Variants in SYTL2 observed in about 807,000 individuals in gnomAD.
The protein encoded by SYTL2 is synaptotagmin like 2.
In SYTL2, 165 loss-of-function variants were observed where a neutral mutation model predicts 198.7. The ratio of observed to expected loss-of-function variants is 0.83; its 90% CI spans 0.73 to 0.94. The LOEUF is 0.94. Among genes scored for constraint, SYTL2 ranks in the 40% least tolerant of loss-of-function variants. SYTL2 has a pLI of 0.00. For missense variants in SYTL2, 2,835 were observed against 2,582.8 expected (o/e 1.10, Z -2.12); for synonymous variants, 966 against 917.7 (o/e 1.05, Z -0.95).
rs201491481 is a variant in SYTL2 at position 85,696,761 on chromosome 11, A to G, written c.6369-373T>C. Among the ~76,000 whole-genome samples, 5 of 152,344 alleles carry G rather than the reference A, an allele frequency of 3.3e-5. No individual in the cohort carries two copies. In the East Asian group the frequency reaches 9.6e-4, roughly 29 times the overall value. Reference sequence around the variant, plus strand: ...GCAAAACACTTAGCTCCATGCCTGCATTTAGTAAGTGCTTAATATGCTAGT... The same window carrying G: ...GCAAAACACTTAGCTCCATGCCTGCGTTTAGTAAGTGCTTAATATGCTAGT... On this transcript the variant is annotated intron_variant, in intron 18 of 19. Coordinates refer to ENST00000359152, the MANE Select transcript of SYTL2 (RefSeq NM_206927.4).
upstream of SYTL2, among the ~76,000 whole-genome samples, chr11:85,815,899 C>T (rs541995163): frequency 6.6e-6 from 1 of 152,326 alleles, no homozygotes; most frequent in South Asian, 2.1e-4. Context: ...CACGGTGACT[C>T]ATTCCTGTAA....
intron 1 of SYTL2, among the ~76,000 whole-genome samples, chr11:85,760,315 C>T (rs2092061709): frequency 6.6e-6 from 1 of 152,182 alleles, no homozygotes; most frequent in Non-Finnish European, 1.5e-5. Context: ...TTATACGATA[C>T]TCCCGCAGCA....
At chr11:85,750,242 G>A (rs1167028823) in intron 2 of SYTL2, among the ~76,000 whole-genome samples, 2 of 152,128 alleles carry the variant, frequency 1.3e-5, no homozygotes, top group African/African-American at 4.8e-5. Flanking sequence ...TTAAGGATCA[G>A]GGAAAATAAG....
intron 8 of SYTL2, among the ~76,000 whole-genome samples, chr11:85,723,516 A>G (rs901981141): frequency 5.9e-5 from 9 of 152,238 alleles, no homozygotes; most frequent in African/African-American, 1.9e-4. Context: ...ATTTGTGTCC[A>G]TCTGTGGCAC....
chr11:85,840,974 G>A, the SYTL2 span, among the ~76,000 whole-genome samples: 1 of 151,822 alleles, frequency 6.6e-6, no homozygotes, highest in Admixed American at 6.6e-5. Flanking sequence ...CATCTATAAG[G>A]AACTAACAAA....
chr11:85,722,420 C>T (rs1023685446), intron 8 of SYTL2, among the ~76,000 whole-genome samples: 9 of 152,020 alleles, frequency 5.9e-5, no homozygotes, highest in Non-Finnish European at 1.0e-4. Context: ...ATGATCTGCC[C>T]GCCTTGGCCT....
At chr11:85,835,797 G>A in the SYTL2 span, among the ~76,000 whole-genome samples, 1 of 152,148 alleles carries the variant, frequency 6.6e-6, no homozygotes, top group Non-Finnish European at 1.5e-5. Context: ...TTGAGAAAAA[G>A]CCTCCAATCT....
intron 1 of SYTL2, among the ~76,000 whole-genome samples, chr11:85,777,849 T>G (rs1001852963): frequency 2.5e-5 from 3 of 120,436 alleles, no homozygotes; most frequent in Non-Finnish European, 5.2e-5. Flanking sequence ...AGACCGAGTT[T>G]TGCTCTTGTT....
chr11:85,782,159 C>T (rs1427455472), intron 1 of SYTL2, among the ~76,000 whole-genome samples: 2 of 152,222 alleles, frequency 1.3e-5, no homozygotes, highest in African/African-American at 4.8e-5. Flanking sequence ...GGTGGACGTT[C>T]CCAAACGTCA....
chr11:85,745,778 A>G lies in SYTL2; in HGVS notation c.254-6T>C. The G allele has an allele frequency of 6.2e-7, 1 of 1,607,576 alleles. No individual in the cohort carries two copies. The highest frequency in any genetic ancestry group is 1.3e-5 in the African/African-American group (1 of 74,966). On this transcript the variant is annotated splice_polypyrimidine_tract_variant and splice_region_variant and intron_variant, in intron 3 of 19. Coordinates refer to ENST00000359152, the MANE Select transcript of SYTL2 (RefSeq NM_206927.4). ...TCTGTCTTTACTCTGCTCAGCTGAAACAGGAAACAGTAAAGACAGGAAGGT... is the reference window on the plus strand; with the variant it reads ...TCTGTCTTTACTCTGCTCAGCTGAAGCAGGAAACAGTAAAGACAGGAAGGT...
At chr11:85,831,236 T>C in the SYTL2 span, among the ~76,000 whole-genome samples, 3 of 152,192 alleles carry the variant, frequency 2.0e-5, no homozygotes, top group African/African-American at 7.2e-5. Flanking sequence ...CTATGAAGGA[T>C]ACTAGCTTTA....
rs2090367265 is a variant in SYTL2, at chr11:85,736,687, T to C, written c.472-72A>G. Reference sequence around the variant, plus strand: ...GCAACTCAGTGTTGGCAAATGCCTATTATCTTCAATTTTGATAGTTTTATC... The same window carrying C: ...GCAACTCAGTGTTGGCAAATGCCTACTATCTTCAATTTTGATAGTTTTATC... On this transcript the variant is annotated intron_variant, in intron 5 of 19. Coordinates refer to ENST00000359152, the MANE Select transcript of SYTL2 (RefSeq NM_206927.4). 3 of 777,052 alleles carry C rather than the reference T, an allele frequency of 3.9e-6. No individual in the cohort carries two copies. The Admixed American group carries it at 7.2e-5, about 19-fold the overall frequency. The allele number at this position is 777,052 out of a possible 1,614,324, so 48.1% of individuals were successfully genotyped here.
At chr11:85,776,316 A>G (rs971593768) in intron 1 of SYTL2, among the ~76,000 whole-genome samples, 3 of 152,198 alleles carry the variant, frequency 2.0e-5, no homozygotes, top group Non-Finnish European at 4.4e-5. Flanking sequence ...GTTTTGTTAC[A>G]TAGGTATACA....
intron 1 of SYTL2, among the ~76,000 whole-genome samples, chr11:85,800,121 C>T (rs2092863738): frequency 6.6e-6 from 1 of 152,168 alleles, no homozygotes; most frequent in South Asian, 2.1e-4. Context: ...CATTCCCACA[C>T]ACAGTTCATC....
At chr11:85,751,013 G>A (rs1321273052) in intron 2 of SYTL2, among the ~76,000 whole-genome samples, 2 of 151,900 alleles carry the variant, frequency 1.3e-5, no homozygotes, top group Middle Eastern at 3.4e-3. Context: ...CTGCCTAAAT[G>A]ACTGTCTGTA....
upstream of SYTL2, among the ~76,000 whole-genome samples, chr11:85,816,122 G>A (rs539450707): frequency 2.0e-4 from 30 of 152,170 alleles, no homozygotes; most frequent in Non-Finnish European, 3.5e-4. Context: ...CCGAGATCAC[G>A]CCACTGCATT....
In SYTL2 at chr11:85,709,449, C is replaced by A; in HGVS notation, c.5797G>T (p.Val1933Phe). The A allele has an allele frequency of 6.2e-7, 1 of 1,614,084 alleles. No homozygotes were observed. Among genetic ancestry groups the A allele is most frequent in the East Asian group, 2.2e-5 (1 of 44,874 alleles). Residue 1933 changes from valine to phenylalanine, a missense_variant, in exon 14 of 20, where the codon GTT (valine) becomes TTT (phenylalanine). Val to Phe is a conservative substitution (Grantham distance 50, BLOSUM62 -1). Transcript: ENST00000359152. The part of the protein sequence containing the change: ...VYSGDFGNLE[V>F]KGNIQFAIEY... ...ATTGCAAACTGAATATTTCCTTTAA[C>A]TTCCAGATTGCCAAAGTCTCCACTA...
chr11:85,809,893 G>C (rs2093007825), intron 1 of SYTL2, among the ~76,000 whole-genome samples: 1 of 152,226 alleles, frequency 6.6e-6, no homozygotes, highest in South Asian at 2.1e-4. Flanking sequence ...GTGAGGGAAG[G>C]GAAATGCTGG....
intron 2 of SYTL2, among the ~76,000 whole-genome samples, chr11:85,754,843 C>T (rs2091761979): frequency 6.6e-6 from 1 of 152,134 alleles, no homozygotes; most frequent in Admixed American, 6.6e-5. Flanking sequence ...TGATCAAACC[C>T]TTACTGTTCC....
Sources: allele counts gnomAD v4.1 joint callset (sites outside exome capture counted in the v4.1 genomes callset), GRCh38; gene constraint gnomAD v4.1.1; transcripts MANE v1.5; gene names NCBI Gene and HGNC (gene_info 2026-07-23, HGNC 2026-07-21).